The following TENM2 variants were observed in gnomAD, a reference collection of about 807,000 sequenced individuals.
TENM2 encodes teneurin transmembrane protein 2, also known as teneurin-2.
In TENM2, 52 loss-of-function variants were observed where a neutral mutation model predicts 245.2. The ratio of observed to expected loss-of-function variants is 0.21; its 90% confidence interval spans 0.17 to 0.27. The LOEUF (loss-of-function observed/expected upper bound fraction) is 0.27. Among genes scored for constraint, TENM2 ranks in the 10% least tolerant of loss-of-function variants. The pLI is 1.00. For missense variants in TENM2, 3,046 were observed against 3,666.8 expected, an observed-to-expected ratio of 0.83 and a Z score of 4.37; for synonymous variants, 1,363 against 1,438.9, an observed-to-expected ratio of 0.95 and a Z score of 1.19.
At chr5:167,809,028 T>C (rs1157345878) in intron 2 of TENM2, among the ~76,000 whole-genome samples, 4 of 152,114 alleles carry the variant, frequency 2.6e-5, no homozygotes, top group African/African-American at 7.2e-5. Flanking sequence ...AAGTCTTAAG[T>C]TGAACAAAGA....
At chr5:167,950,487 T>C (rs1467224164) in intron 3 of TENM2, among the ~76,000 whole-genome samples, 6 of 151,696 alleles carry the variant, frequency 4.0e-5, no homozygotes, top group Non-Finnish European at 8.8e-5. Flanking sequence ...CAGAGGGAGA[T>C]GGAAAGTTAG....
intron 1 of TENM2, among the ~76,000 whole-genome samples, chr5:167,327,892 A>G (rs1396779660): frequency 1.3e-5 from 2 of 152,196 alleles, no homozygotes; most frequent in African/African-American, 4.8e-5. Context: ...TGCAAAACGA[A>G]TTGACTCTGC....
intron 7 of TENM2, among the ~76,000 whole-genome samples, chr5:168,084,724 G>GAA (rs1581252948): frequency 6.6e-6 from 1 of 152,260 alleles, no homozygotes; most frequent in East Asian, 1.9e-4. Flanking sequence ...TGGCGTTTAG[G>GAA]GAATTGGGAA....
At chr5:168,134,112 G>A (rs1368416307) in intron 12 of TENM2, among the ~76,000 whole-genome samples, 2 of 151,994 alleles carry the variant, frequency 1.3e-5, no homozygotes, top group Non-Finnish European at 2.9e-5. Flanking sequence ...CTGAGATCAT[G>A]CCACTGCACT....
At chr5:167,652,639 G>C (rs1754555584) in intron 2 of TENM2, among the ~76,000 whole-genome samples, 1 of 151,988 alleles carries the variant, frequency 6.6e-6, no homozygotes, top group Admixed American at 6.6e-5. Context: ...TATTATTCCA[G>C]GTAACCAGCC....
intron 2 of TENM2, among the ~76,000 whole-genome samples, chr5:167,844,874 C>G (rs769120822): frequency 4.0e-5 from 6 of 149,874 alleles, no homozygotes; most frequent in Non-Finnish European, 8.9e-5. Context: ...CCTTCGTAGA[C>G]TTTTCTATCT....
At chr5:167,713,033 T>C (rs1759011103) in intron 2 of TENM2, among the ~76,000 whole-genome samples, 1 of 152,164 alleles carries the variant, frequency 6.6e-6, no homozygotes, top group Admixed American at 6.5e-5. Context: ...GCTTTATGTA[T>C]GTATGAACAT....
At chr5:167,301,036 G>A (rs1233691896) in intron 1 of TENM2, among the ~76,000 whole-genome samples, 1 of 152,160 alleles carries the variant, frequency 6.6e-6, no homozygotes, top group Non-Finnish European at 1.5e-5. Context: ...ATGTGGAGTG[G>A]GTAGCCTCCT....
intron 2 of TENM2, among the ~76,000 whole-genome samples, chr5:167,432,947 A>G (rs894084526): frequency 6.6e-6 from 1 of 152,182 alleles, no homozygotes; most frequent in Non-Finnish European, 1.5e-5. Flanking sequence ...TGAAATAAAT[A>G]CACGTTATTG....
chr5:167,455,321 G>C (rs535463568), intron 2 of TENM2, among the ~76,000 whole-genome samples: 1 of 152,224 alleles, frequency 6.6e-6, no homozygotes, highest in African/African-American at 2.4e-5. Flanking sequence ...TGAAAATGCA[G>C]CTCTTCTTTG....
chr5:167,641,568 C>T (rs1779615564), intron 2 of TENM2, among the ~76,000 whole-genome samples: 1 of 152,130 alleles, frequency 6.6e-6, no homozygotes, highest in Admixed American at 6.5e-5. Context: ...GACAAGGGAA[C>T]AGAATGTACG....
intron 1 of TENM2, chr5:167,296,592 C>A (rs1754961777): frequency 6.6e-6 from 1 of 152,170 alleles, no homozygotes; most frequent in African/African-American, 2.4e-5. Context: ...AAAATCCAGT[C>A]AACTGCAGGA....
Position 168,225,263 on chromosome 5 carries a change from T to A in TENM2, c.5109-825T>A, listed in dbSNP as rs867879654. On this transcript the variant is annotated intron_variant, in intron 23 of 28. Coordinates refer to ENST00000518659, the Ensembl canonical transcript of TENM2. ...GCAGGTGGCATTTGGCACAGGCTGA[T>A]TGTCCAGAGGCCTAGGAGATGACAA... 7.2e-5 allele frequency among the ~76,000 whole-genome samples: 11 copies of A among 152,294 alleles called. 1 individual carries two copies. Among genetic ancestry groups the A allele is most frequent in the African/African-American group, 2.2e-4 (9 of 41,566 alleles).
At chr5:167,864,089 A>T (rs568950466) in intron 2 of TENM2, among the ~76,000 whole-genome samples, 2 of 152,162 alleles carry the variant, frequency 1.3e-5, no homozygotes, top group Non-Finnish European at 1.5e-5. Flanking sequence ...GGACCATTCA[A>T]TGAGGAACGG....
At chr5:167,588,034 T>C (rs1775621552) in intron 2 of TENM2, among the ~76,000 whole-genome samples, 1 of 152,188 alleles carries the variant, frequency 6.6e-6, no homozygotes, top group Admixed American at 6.5e-5. Flanking sequence ...CAGAAAAGAC[T>C]GGGAATGGCA....
chr5:167,008,406 T>C, the TENM2 span, among the ~76,000 whole-genome samples: 1 of 152,210 alleles, frequency 6.6e-6, no homozygotes, highest in African/African-American at 2.4e-5. Context: ...GATGAATGTG[T>C]CTGCCTGTTT....
At chr5:168,195,435 C>T in intron 15 of TENM2, 140 bp downstream of exon 17, 1 of 986,630 alleles carries the variant, frequency 1.0e-6, no homozygotes, top group Non-Finnish European at 1.5e-6. Flanking sequence ...GTGAGGATTC[C>T]CCCAAAGACA....
intron 2 of TENM2, among the ~76,000 whole-genome samples, chr5:167,661,556 T>G (rs775856326): frequency 6.6e-6 from 1 of 152,208 alleles, no homozygotes; most frequent in Non-Finnish European, 1.5e-5. Context: ...GTTAATTTGG[T>G]CAAGTGGTTT....
At chr5:167,675,840 A>T (rs1197383521) in intron 2 of TENM2, among the ~76,000 whole-genome samples, 1 of 152,102 alleles carries the variant, frequency 6.6e-6, no homozygotes, top group African/African-American at 2.4e-5. Flanking sequence ...GTACCACAAA[A>T]ATATTGTTAG....
Sources: gnomAD v4.1 joint callset for allele counts (sites outside exome capture counted in the v4.1 genomes callset) on GRCh38, gnomAD v4.1.1 for gene constraint, MANE v1.5 for transcripts, NCBI Gene and HGNC (gene_info 2026-07-23, HGNC 2026-07-21) for gene names.